The following GC variants were observed in gnomAD, a reference collection of about 807,000 sequenced individuals.
GC encodes the protein vitamin D-binding protein.
GC carries 43 observed loss-of-function variants against 56.7 expected under a neutral mutation model. The observed-to-expected ratio is 0.76, with a 90% confidence interval of 0.59 to 0.98. The LOEUF (loss-of-function observed/expected upper bound fraction) is 0.98. Ranked by LOEUF, GC falls within the 50% of genes least tolerant of loss-of-function variation. The probability of loss-of-function intolerance (pLI) is 0.00; values close to 1 mark genes in which losing one functional copy is unlikely to be tolerated. For missense variants in GC, 529 were observed against 545.9 expected (o/e 0.97, Z 0.31); for synonymous variants, 216 against 202.7 (o/e 1.07, Z -0.56).
At position 71,771,335 on chromosome 4, in the gene GC, A is replaced by AT. The variant is rs200508401; in HGVS notation, c.59-1936dup. On this transcript the variant is annotated intron_variant, in intron 1 of 12. Transcript: ENST00000273951. ...TTAGATACAGACTTGAAAGGGTTGT[A>AT]TTTTTTTTTTTAAAGATTCTCTTTA... 0.016 allele frequency among the ~76,000 whole-genome samples: 2,352 copies of AT among 148,512 alleles called. 97 individuals are homozygous for AT. The East Asian group carries it at 0.16, about 10-fold the overall frequency.
chr4:71,752,793 G>C, intron 10 of GC, 143 bp from the exon 11 acceptor site: 9 of 705,990 alleles, frequency 1.3e-5, no homozygotes, highest in Non-Finnish European at 2.1e-5. Flanking sequence ...TTCTATACCT[G>C]TGGTATAGAA....
upstream of GC, among the ~76,000 whole-genome samples, chr4:71,787,995 G>A (rs1400345729): frequency 6.6e-6 from 1 of 151,814 alleles, no homozygotes; most frequent in East Asian, 1.9e-4. Flanking sequence ...CCTCCTCTGT[G>A]CTTTGCTCTC....
chr4:71,749,782 A>T (rs1741487607), intron 11 of GC, among the ~76,000 whole-genome samples: 1 of 152,200 alleles, frequency 6.6e-6, no homozygotes, highest in African/African-American at 2.4e-5. Flanking sequence ...TTGAATTTTA[A>T]TGAAAGATTA....
intron 1 of GC, among the ~76,000 whole-genome samples, chr4:71,770,414 G>A (rs372226147): frequency 2.6e-5 from 4 of 152,282 alleles, no homozygotes; most frequent in South Asian, 4.1e-4. Context: ...GGGGCCCAGA[G>A]GAGAGTCTTA....
At chr4:71,801,929 C>A (rs1261309331) in intron 1 of GC, among the ~76,000 whole-genome samples, 1 of 147,402 alleles carries the variant, frequency 6.8e-6, no homozygotes, top group Non-Finnish European at 1.5e-5. Context: ...AAGTCAATTA[C>A]AATGCTTAGA....
intron 6 of GC, 60 bp downstream of exon 6, chr4:71,763,348 A>G: frequency 1.2e-6 from 1 of 820,102 alleles, no homozygotes; most frequent in South Asian, 1.7e-5. Flanking sequence ...AAACCCTAAT[A>G]TTATGGATAG....
chr4:71,784,447 C>T (rs372747957), upstream of GC: 226 of 280,056 alleles, frequency 8.1e-4, 1 homozygote, highest in African/African-American at 4.5e-3. Flanking sequence ...AGTGGAAAAT[C>T]GGAAACTCTG....
At chr4:71,779,141 A>G (rs28654796) in intron 1 of GC, among the ~76,000 whole-genome samples, 3,521 of 151,780 alleles carry the variant, frequency 0.023, 144 homozygotes, top group East Asian at 0.16. Context: ...AATATTACAC[A>G]ATAATTTTTT....
chr4:71,766,177 T>G (rs1463203182), intron 3 of GC, among the ~76,000 whole-genome samples: 1 of 152,204 alleles, frequency 6.6e-6, no homozygotes, highest in Non-Finnish European at 1.5e-5. Context: ...TCTTACCTAA[T>G]GATTCTTGAA....
intron 10 of GC, 137 bp downstream of exon 10, chr4:71,754,273 TA>T (rs1450356016): frequency 1.7e-6 from 1 of 589,080 alleles, no homozygotes. Flanking sequence ...CTGACTACTT[TA>T]AAAAACTCCT....
Position 71,769,427 on chromosome 4 carries a change from T to C in GC, c.59-27A>G, listed in dbSNP as rs767608267. On this transcript the variant is annotated intron_variant, in intron 1 of 12. Coordinates refer to ENST00000273951, the MANE Select transcript of GC (RefSeq NM_000583.4). ...TAGGAGGCAGAAATAGAAAAATTTG[T>C]ATGTGTCCCCTTTTGATGAATATTA... The C allele has an allele frequency of 4.1e-6, 6 of 1,456,424 alleles. No individual in the cohort carries two copies. The South Asian group carries it at 5.7e-5, about 14-fold the overall frequency. 90.2% of individuals were successfully genotyped at this position (1,456,424 alleles called of 1,614,324 possible).
At position 71,758,042 on chromosome 4, in the gene GC, C is replaced by T; in HGVS notation, c.831G>A (p.Glu277=). 6.2e-7 allele frequency: 1 copy of T among 1,612,464 alleles called. No homozygotes were observed. Among genetic ancestry groups the T allele is most frequent in the Non-Finnish European group, 8.5e-7 (1 of 1,179,058 alleles). Residue 277 remains glutamate, a splice_region_variant and synonymous_variant, in exon 7 of 13, where the codon GAG becomes GAA. Coordinates refer to ENST00000273951, the MANE Select transcript of GC (RefSeq NM_000583.4). ...ATAATGATAATAAAGCTTGTCTTAC[C>T]TCTTTGGCCATGCAATCTTCAGAGG... The part of the protein sequence containing the change: ...ESASEDCMAK[E]LPEHTVKLCD...
intron 3 of GC, 26 bp from the exon 4 acceptor site, chr4:71,765,669 C>T (rs779226587): frequency 1.5e-6 from 2 of 1,362,020 alleles, no homozygotes; most frequent in African/African-American, 1.4e-5. Context: ...AAAGGAAACT[C>T]ATATATATAT....
intron 1 of GC, among the ~76,000 whole-genome samples, chr4:71,781,787 A>G (rs867381161): frequency 6.6e-6 from 1 of 151,814 alleles, no homozygotes; most frequent in Non-Finnish European, 1.5e-5. Flanking sequence ...AGATTTGGTA[A>G]GCTCTCTTCT....
intron 2 of GC, 36 bp from the exon 3 acceptor site, chr4:71,768,469 T>G: frequency 1.9e-6 from 3 of 1,571,622 alleles, no homozygotes; most frequent in South Asian, 1.2e-5. Flanking sequence ...CAATTAGAAC[T>G]GAAAGGTTTT....
rs755712569 is a variant in GC, at chr4:71,746,183, A to G, written c.1418T>C (p.Ile473Thr). The change falls in exon 12 of 13, where the codon ATC (isoleucine) becomes ACC (threonine). Residue 473 changes from isoleucine to threonine, a missense_variant. By Grantham distance (89) the Ile-to-Thr change is moderately conservative. Coordinates refer to ENST00000273951, the MANE Select transcript of GC (RefSeq NM_000583.4). ...AATAAACATGCTTCAGGACTACAGG[A>G]TATTCTTCAATTCAGCATCAATCTG... ...DSEIDAELKN[I>T]L The G allele has an allele frequency of 7.4e-7, 1 of 1,344,684 alleles. No homozygotes were observed. The highest frequency in any genetic ancestry group is 1.1e-6 in the Non-Finnish European group (1 of 939,226). The allele number at this position is 1,344,684 out of a possible 1,614,324, so 83.3% of individuals were successfully genotyped here. A position where few individuals can be genotyped will look rare whatever the true frequency, so the allele number is the denominator to read the frequency against.
At chr4:71,742,569 A>T (rs1285878240) in intron 12 of GC, among the ~76,000 whole-genome samples, 1 of 152,130 alleles carries the variant, frequency 6.6e-6, no homozygotes, top group Non-Finnish European at 1.5e-5. Context: ...ATTTTCACCC[A>T]ATCTGATTCT....
intron 11 of GC, among the ~76,000 whole-genome samples, chr4:71,747,475 T>C (rs935517375): frequency 2.0e-5 from 3 of 151,984 alleles, no homozygotes; most frequent in Non-Finnish European, 4.4e-5. Context: ...AAGTAGAAAA[T>C]AATACTACAG....
At chr4:71,750,357 T>C (rs1741505227) in intron 11 of GC, among the ~76,000 whole-genome samples, 1 of 152,172 alleles carries the variant, frequency 6.6e-6, no homozygotes, top group Non-Finnish European at 1.5e-5. Context: ...AAATTGACTA[T>C]AGAAATTTAA....
Sources: gnomAD v4.1 joint callset for allele counts (sites outside exome capture counted in the v4.1 genomes callset) on GRCh38, gnomAD v4.1.1 for gene constraint, MANE v1.5 for transcripts, NCBI Gene and HGNC (gene_info 2026-07-23, HGNC 2026-07-21) for gene names.